Variants in ARHGAP10 observed in about 807,000 individuals in gnomAD.
ARHGAP10 encodes Rho GTPase activating protein 10.
In ARHGAP10, 87 loss-of-function variants were observed where a neutral mutation model predicts 108.6. The ratio of observed to expected loss-of-function variants is 0.80; its 90% CI spans 0.67 to 0.96. ARHGAP10 has a LOEUF of 0.96. Ranked by LOEUF, ARHGAP10 falls within the 40% of genes least tolerant of loss-of-function variation. The pLI, the probability that ARHGAP10 is intolerant of heterozygous loss-of-function variation, is 0.00. For missense variants in ARHGAP10, 939 were observed against 954.5 expected, an observed-to-expected ratio of 0.98 and a Z score of 0.21; for synonymous variants, 347 against 341.1, an observed-to-expected ratio of 1.02 and a Z score of -0.19.
intron 13 of ARHGAP10, 50 bp downstream of exon 13, chr4:147,913,189 T>C (rs1736827078): frequency 6.6e-7 from 1 of 1,521,780 alleles, no homozygotes; most frequent in Admixed American, 1.7e-5. Flanking sequence ...GTATGTAAAA[T>C]CTAAAAGTCA....
chr4:147,744,115 A>G (rs72953462), intron 1 of ARHGAP10, among the ~76,000 whole-genome samples: 10,280 of 152,256 alleles, frequency 0.068, 388 homozygotes, highest in South Asian at 0.11. Context: ...TTACATTCAC[A>G]TTGTTGAATC....
chr4:147,776,289 G>A (rs907143680), intron 1 of ARHGAP10, among the ~76,000 whole-genome samples: 6 of 151,682 alleles, frequency 4.0e-5, no homozygotes, highest in South Asian at 4.2e-4. Flanking sequence ...GTGTGATCTC[G>A]GCTCACTGCA....
At chr4:147,836,638 C>T (rs914627919) in intron 3 of ARHGAP10, among the ~76,000 whole-genome samples, 2 of 86,716 alleles carry the variant, frequency 2.3e-5, no homozygotes, top group South Asian at 5.2e-4. Context: ...GAGCTTTGTG[C>T]GTGGGTTCCT....
chr4:147,799,379 A>C (rs760792527), intron 1 of ARHGAP10, among the ~76,000 whole-genome samples: 4 of 152,062 alleles, frequency 2.6e-5, no homozygotes, highest in Non-Finnish European at 5.9e-5. Flanking sequence ...TCTTTTACCA[A>C]ATTTGGAATG....
chr4:147,851,811 A>G lies in ARHGAP10; in HGVS notation c.384+4589A>G, dbSNP rs960579580. Among the ~76,000 whole-genome samples the G allele has an allele frequency of 3.3e-5, 5 of 152,330 alleles. No homozygotes were observed. The South Asian group carries it at 1.0e-3, about 32-fold the overall frequency. ...AAAAAGCAATAAAAATATATTGTGG[A>G]AAGTGCTGTAATAGCGGTAAGCATA... On this transcript the variant is annotated intron_variant, in intron 4 of 22. Transcript: ENST00000336498.
At chr4:147,992,380 T>C (rs1221871487) in intron 18 of ARHGAP10, among the ~76,000 whole-genome samples, 11 of 152,210 alleles carry the variant, frequency 7.2e-5, no homozygotes, top group African/African-American at 2.7e-4. Context: ...TTTGGATTTT[T>C]CTCTAAAAAG....
intron 1 of ARHGAP10, among the ~76,000 whole-genome samples, chr4:147,755,056 T>C (rs1221804612): frequency 6.6e-6 from 1 of 150,526 alleles, no homozygotes; most frequent in East Asian, 1.9e-4. Flanking sequence ...CACTACAGTC[T>C]GGGCGACAAG....
intron 4 of ARHGAP10, among the ~76,000 whole-genome samples, chr4:147,849,475 C>T (rs1733773184): frequency 6.6e-6 from 1 of 152,190 alleles, no homozygotes; most frequent in Non-Finnish European, 1.5e-5. Flanking sequence ...AGACTTTACT[C>T]TCTTAGGTTA....
intron 8 of ARHGAP10, among the ~76,000 whole-genome samples, chr4:147,876,355 G>A (rs1318556456): frequency 6.6e-6 from 1 of 152,196 alleles, no homozygotes; most frequent in Non-Finnish European, 1.5e-5. Context: ...CACTCTGGGA[G>A]GCCGAGGTGG....
chr4:147,801,800 G>C (rs2126761480), intron 1 of ARHGAP10, among the ~76,000 whole-genome samples: 1 of 152,310 alleles, frequency 6.6e-6, no homozygotes, highest in South Asian at 2.1e-4. Context: ...TCTCAAAATA[G>C]TTCTCCATGA....
At chr4:148,024,832 C>T (rs954857755) in intron 19 of ARHGAP10, among the ~76,000 whole-genome samples, 1 of 152,060 alleles carries the variant, frequency 6.6e-6, no homozygotes, top group African/African-American at 2.4e-5. Context: ...CTCACTTGTC[C>T]TCTGATGGAA....
chr4:148,028,881 A>G (rs901392008), intron 19 of ARHGAP10, among the ~76,000 whole-genome samples: 1 of 152,210 alleles, frequency 6.6e-6, no homozygotes, highest in Non-Finnish European at 1.5e-5. Context: ...TAAAGTGGAC[A>G]TTATTCGCCA....
intron 16 of ARHGAP10, among the ~76,000 whole-genome samples, chr4:147,956,730 G>C (rs1409868143): frequency 1.3e-5 from 2 of 150,860 alleles, no homozygotes; most frequent in Non-Finnish European, 2.9e-5. Context: ...AGTGATTATG[G>C]AATAAGGTTT....
intron 12 of ARHGAP10, among the ~76,000 whole-genome samples, chr4:147,912,670 T>TTG (rs1491553613): frequency 8.4e-5 from 10 of 118,562 alleles, no homozygotes; most frequent in Non-Finnish European, 1.4e-4. Context: ...TTTTTTTTTT[T>TTG]GGGGAGACAG....
At chr4:148,064,617 C>A in intron 22 of ARHGAP10, 110 bp downstream of exon 22, 2 of 906,038 alleles carry the variant, frequency 2.2e-6, no homozygotes. Context: ...GCGAGTCTCC[C>A]CCTTGATGCT....
intron 10 of ARHGAP10, among the ~76,000 whole-genome samples, chr4:147,888,533 A>G (rs532356726): frequency 1.3e-5 from 2 of 152,332 alleles, no homozygotes; most frequent in Admixed American, 1.3e-4. Flanking sequence ...TAAAAGTCAT[A>G]CATGCTTATT....
At chr4:147,899,725 A>AC (rs1736151301) in intron 10 of ARHGAP10, among the ~76,000 whole-genome samples, 2 of 151,492 alleles carry the variant, frequency 1.3e-5, no homozygotes, top group Admixed American at 1.3e-4. Flanking sequence ...ATCTCTGGAA[A>AC]AAATGCATGA....
At chr4:148,031,007 C>T (rs990386983) in intron 19 of ARHGAP10, among the ~76,000 whole-genome samples, 4 of 152,000 alleles carry the variant, frequency 2.6e-5, no homozygotes, top group African/African-American at 4.8e-5. Context: ...TGCAGCGAGC[C>T]GTGATTATAC....
chr4:147,964,936 TGG>T, intron 16 of ARHGAP10, 86 bp from the exon 17 acceptor site: 1 of 894,908 alleles, frequency 1.1e-6, no homozygotes. Context: ...GTCATTGTCT[TGG>T]GAAATATATT....
Sources: gnomAD v4.1 joint callset for allele counts (sites outside exome capture counted in the v4.1 genomes callset) on GRCh38, gnomAD v4.1.1 for gene constraint, MANE v1.5 for transcripts, NCBI Gene and HGNC (gene_info 2026-07-23, HGNC 2026-07-21) for gene names.